The following MCC variants were observed in gnomAD, a reference collection of about 807,000 sequenced individuals.
The protein encoded by MCC is colorectal mutant cancer protein.
MCC carries 90 observed loss-of-function variants against 116.2 expected under a neutral mutation model. That is an observed-to-expected ratio of 0.77 (90% CI 0.65 to 0.92). MCC has a LOEUF of 0.92. Among genes scored for constraint, MCC ranks in the 40% least tolerant of loss-of-function variants. The pLI is 0.00. For missense variants in MCC, 1,516 were observed against 1,312.2 expected, an observed-to-expected ratio of 1.16 and a Z score of -2.40; for synonymous variants, 578 against 510.5, an observed-to-expected ratio of 1.13 and a Z score of -1.78.
At chr5:113,102,245 A>T (rs903141377) in intron 7 of MCC, among the ~76,000 whole-genome samples, 2 of 152,182 alleles carry the variant, frequency 1.3e-5, no homozygotes, top group African/African-American at 4.8e-5. Context: ...CATCCACACA[A>T]TGCTTATTTC....
At chr5:113,363,794 C>T (rs1768609001) in intron 2 of MCC, among the ~76,000 whole-genome samples, 1 of 152,294 alleles carries the variant, frequency 6.6e-6, no homozygotes, top group South Asian at 2.1e-4. Flanking sequence ...CTCAAAAGTC[C>T]AAAGTCCAAA....
chr5:113,036,713 A>G (rs1250737356), intron 17 of MCC, among the ~76,000 whole-genome samples: 4 of 152,038 alleles, frequency 2.6e-5, no homozygotes, highest in African/African-American at 9.7e-5. Context: ...AGTGCCCTCT[A>G]CCACTCTGCC....
chr5:113,488,095 C>T (rs1299749947), intron 1 of MCC, 150 bp downstream of exon 1: 4 of 782,274 alleles, frequency 5.1e-6, no homozygotes, highest in Non-Finnish European at 7.5e-6. Flanking sequence ...GTGGCCGAGC[C>T]GGCTACGCGC....
At chr5:113,403,939 A>G (rs972257092) in intron 1 of MCC, among the ~76,000 whole-genome samples, 10 of 152,116 alleles carry the variant, frequency 6.6e-5, no homozygotes, top group African/African-American at 2.4e-4. Flanking sequence ...TGATCTCAGC[A>G]TACTGCAACC....
intron 6 of MCC, among the ~76,000 whole-genome samples, chr5:113,112,521 C>T (rs1297285242): frequency 1.3e-5 from 2 of 152,310 alleles, no homozygotes; most frequent in African/African-American, 2.4e-5. Flanking sequence ...GTCATGCTTC[C>T]GGTACAGCCT....
chr5:113,393,122 T>A (rs138871443), intron 1 of MCC, among the ~76,000 whole-genome samples: 3 of 152,148 alleles, frequency 2.0e-5, no homozygotes, highest in African/African-American at 4.8e-5. Context: ...AAATCTCAAC[T>A]GTAAAGAGGT....
Position 113,364,260 on chromosome 5 carries a change from ACC to A in MCC, c.415+20706_415+20707del, listed in dbSNP as rs1561538958. On this transcript the variant is annotated intron_variant, in intron 2 of 18. Coordinates refer to ENST00000408903, the MANE Select transcript of MCC (RefSeq NM_001085377.2). ...ACAGAAAAAAAAAAAAAAAAAAAAA[ACC>A]AGAAAAAAAAAAAAAAGGAACTCTA... Among the ~76,000 whole-genome samples the A allele has an allele frequency of 3.9e-4, 40 of 101,396 alleles. 1 individual carries two copies. Among genetic ancestry groups the A allele is most frequent in the Middle Eastern group, 4.1e-3 (1 of 246 alleles). The allele number at this position is 101,396 out of a possible 152,430, so 66.5% of individuals were successfully genotyped here. A position where few individuals can be genotyped will look rare whatever the true frequency, so the allele number is the denominator to read the frequency against.
intron 6 of MCC, among the ~76,000 whole-genome samples, chr5:113,119,939 C>A (rs545363234): frequency 1.3e-5 from 2 of 152,216 alleles, no homozygotes; most frequent in East Asian, 3.8e-4. Flanking sequence ...ACAGACGCCA[C>A]CTCAAGTCAG....
chr5:113,362,104 T>C (rs9632462), intron 2 of MCC, among the ~76,000 whole-genome samples: 67,074 of 152,108 alleles, frequency 0.44, 16,249 homozygotes, highest in African/African-American at 0.64. Flanking sequence ...TTTCCGTTTC[T>C]CTGGAAAGCC....
At chr5:113,129,305 A>T (rs781288690) in intron 5 of MCC, among the ~76,000 whole-genome samples, 14 of 152,204 alleles carry the variant, frequency 9.2e-5, no homozygotes, top group Non-Finnish European at 1.5e-4. Flanking sequence ...GGAAGGAAAG[A>T]GGGCCTAGGG....
At chr5:113,180,759 T>A (rs1761587011) in intron 3 of MCC, among the ~76,000 whole-genome samples, 1 of 152,250 alleles carries the variant, frequency 6.6e-6, no homozygotes. Context: ...AAAACATTAA[T>A]GGCATGTCTA....
intron 5 of MCC, among the ~76,000 whole-genome samples, chr5:113,130,464 C>T (rs1317470691): frequency 6.6e-6 from 1 of 152,036 alleles, no homozygotes; most frequent in Non-Finnish European, 1.5e-5. Flanking sequence ...TATCCCAGAA[C>T]TTAGGTATAA....
At chr5:113,213,132 A>G (rs1304377409) in intron 3 of MCC, among the ~76,000 whole-genome samples, 17 of 152,146 alleles carry the variant, frequency 1.1e-4, no homozygotes. Context: ...ACGCAATGCC[A>G]TTGCTGCTCC....
At chr5:113,110,478 A>C (rs1043904024) in intron 6 of MCC, among the ~76,000 whole-genome samples, 1 of 152,246 alleles carries the variant, frequency 6.6e-6, no homozygotes, top group Non-Finnish European at 1.5e-5. Context: ...ACGGTACTTC[A>C]TACGTGGTGT....
intron 15 of MCC, among the ~76,000 whole-genome samples, chr5:113,052,146 G>A (rs779379783): frequency 6.6e-5 from 10 of 152,108 alleles, no homozygotes; most frequent in Non-Finnish European, 1.2e-4. Flanking sequence ...CAACAAAAAT[G>A]TCTTTCTTAG....
At chr5:113,158,865 C>T (rs145698615) in intron 3 of MCC, among the ~76,000 whole-genome samples, 1 of 152,296 alleles carries the variant, frequency 6.6e-6, no homozygotes, top group African/African-American at 2.4e-5. Context: ...ATCACTGGCA[C>T]CTCCAACTCA....
chr5:113,285,776 C>G (rs1766232556), intron 3 of MCC, among the ~76,000 whole-genome samples: 1 of 152,170 alleles, frequency 6.6e-6, no homozygotes, highest in South Asian at 2.1e-4. Context: ...GTCTATGTAT[C>G]TGTGTAGGAT....
chr5:113,322,018 G>C (rs1767433730), intron 3 of MCC, among the ~76,000 whole-genome samples: 1 of 152,144 alleles, frequency 6.6e-6, no homozygotes, highest in Non-Finnish European at 1.5e-5. Context: ...TTTTACTAGA[G>C]ACGGAGTTTC....
At chr5:113,362,931 G>A (rs1005303796) in intron 2 of MCC, among the ~76,000 whole-genome samples, 3 of 152,028 alleles carry the variant, frequency 2.0e-5, no homozygotes, top group Non-Finnish European at 4.4e-5. Flanking sequence ...TTTATGTTAT[G>A]TTAAAAACTT....
Sources: gnomAD v4.1 joint callset for allele counts (sites outside exome capture counted in the v4.1 genomes callset) on GRCh38, gnomAD v4.1.1 for gene constraint, MANE v1.5 for transcripts, NCBI Gene and HGNC (gene_info 2026-07-23, HGNC 2026-07-21) for gene names.